The following SLC26A5 variants were observed in gnomAD, a reference collection of about 807,000 sequenced individuals.
SLC26A5 encodes the protein prestin.
Under a neutral mutation model 81.0 loss-of-function variants are expected in SLC26A5, and 51 were observed. The observed-to-expected ratio is 0.63, with a 90% confidence interval of 0.50 to 0.80. SLC26A5 has a LOEUF of 0.80. Ranked by LOEUF, SLC26A5 falls within the 30% of genes least tolerant of loss-of-function variation. SLC26A5 has a pLI of 0.00. For missense variants in SLC26A5, 771 were observed against 905.8 expected (o/e 0.85, Z 1.91); for synonymous variants, 325 against 332.8 (o/e 0.98, Z 0.25).
chr7:103,363,213 A>G, intron 19 of SLC26A5: 1 of 675,254 alleles, frequency 1.5e-6, no homozygotes. Context: ...GGCACTGGGC[A>G]ATGTATTCAA....
chr7:103,388,993 A>C lies in SLC26A5; in HGVS notation c.1514+15T>G, dbSNP rs753212657. 5.1e-6 allele frequency: 8 copies of C among 1,584,056 alleles called. No homozygotes were observed. The highest frequency in any genetic ancestry group is 6.9e-6 in the Non-Finnish European group (8 of 1,153,182). On this transcript the variant is annotated intron_variant, in intron 14 of 19. Coordinates refer to ENST00000306312, the MANE Select transcript of SLC26A5 (RefSeq NM_198999.3). ...CTGCCGGGACATTCACACCCATTCC[A>C]ATCTGGGCACTCACCTCTGTGTTCT...
chr7:103,434,411 A>G (rs953932798), intron 2 of SLC26A5, among the ~76,000 whole-genome samples: 2 of 152,088 alleles, frequency 1.3e-5, no homozygotes, highest in African/African-American at 2.4e-5. Context: ...TTTTGTAACA[A>G]TTGTATCTCT....
At chr7:103,443,842 G>A (rs983723708) in intron 1 of SLC26A5, among the ~76,000 whole-genome samples, 9 of 152,132 alleles carry the variant, frequency 5.9e-5, no homozygotes, top group Non-Finnish European at 1.0e-4. Context: ...TCGCTGACCC[G>A]TTCTGAAGTG....
At chr7:103,390,408 C>G in intron 12 of SLC26A5, 21 bp downstream of exon 12, 1 of 1,607,560 alleles carries the variant, frequency 6.2e-7, no homozygotes, top group Non-Finnish European at 8.5e-7. Flanking sequence ...AAAACTTCAC[C>G]CAAGTCCACA....
chr7:103,442,561 A>C (rs1480471764), intron 2 of SLC26A5, among the ~76,000 whole-genome samples: 6 of 152,242 alleles, frequency 3.9e-5, no homozygotes, highest in Non-Finnish European at 7.3e-5. Context: ...ATAATTAATC[A>C]GAATCTCTGT....
At chr7:103,390,895 C>G (rs1212389421) in intron 11 of SLC26A5, among the ~76,000 whole-genome samples, 1 of 146,220 alleles carries the variant, frequency 6.8e-6, no homozygotes, top group South Asian at 2.2e-4. Flanking sequence ...GAGACAGACT[C>G]TCACTCTGTC....
chr7:103,389,454 C>A, intron 12 of SLC26A5, 30 bp from the exon 13 acceptor site: 3 of 1,516,864 alleles, frequency 2.0e-6, no homozygotes, highest in South Asian at 2.2e-5. Context: ...CCATGCCTCT[C>A]CTCTTGTGTC....
intron 11 of SLC26A5, among the ~76,000 whole-genome samples, chr7:103,390,928 C>T (rs1204274602): frequency 5.3e-5 from 8 of 149,850 alleles, no homozygotes; most frequent in Non-Finnish European, 1.0e-4. Flanking sequence ...TGCAGTGGCG[C>T]GACCCTGGCT....
intron 19 of SLC26A5, chr7:103,363,452 G>A (rs1469323625): frequency 6.3e-7 from 1 of 1,592,822 alleles, no homozygotes; most frequent in South Asian, 1.1e-5. Context: ...AAGTAGCTGA[G>A]TGTTGTATTT....
At chr7:103,359,577 A>G (rs901250283) in intron 19 of SLC26A5, among the ~76,000 whole-genome samples, 26 of 152,146 alleles carry the variant, frequency 1.7e-4, no homozygotes, top group Non-Finnish European at 2.9e-4. Flanking sequence ...ATCTAAATGG[A>G]ATCATATAGT....
intron 2 of SLC26A5, among the ~76,000 whole-genome samples, chr7:103,434,587 T>C (rs1826314111): frequency 6.6e-6 from 1 of 152,292 alleles, no homozygotes; most frequent in East Asian, 1.9e-4. Context: ...GTCTCTCCTC[T>C]TTTCTAGCAT....
At chr7:103,362,470 C>A in intron 19 of SLC26A5, 1 of 1,389,966 alleles carries the variant, frequency 7.2e-7, no homozygotes, top group Non-Finnish European at 9.3e-7. Context: ...CCTCCCTCCT[C>A]AAAGGTTTGA....
intron 5 of SLC26A5, 74 bp downstream of exon 5, chr7:103,412,928 G>A: frequency 4.7e-6 from 5 of 1,056,286 alleles, no homozygotes; most frequent in South Asian, 1.3e-5. Context: ...TAATGACCAT[G>A]CTATTTCTTT....
intron 2 of SLC26A5, among the ~76,000 whole-genome samples, chr7:103,431,270 C>T (rs140958616): frequency 1.1e-3 from 168 of 152,196 alleles, no homozygotes; most frequent in African/African-American, 3.9e-3. Flanking sequence ...ACTTTTCCAT[C>T]CCATTCTCCC....
chr7:103,365,751 A>C (rs957236284), intron 19 of SLC26A5, among the ~76,000 whole-genome samples: 5 of 152,104 alleles, frequency 3.3e-5, no homozygotes, highest in Non-Finnish European at 7.3e-5. Context: ...AAGATGCTGA[A>C]ACCCCGTCTC....
downstream of SLC26A5, chr7:103,369,418 C>T (rs772326130): frequency 1.3e-5 from 2 of 152,198 alleles, no homozygotes; most frequent in East Asian, 1.9e-4. Flanking sequence ...TCCACTTTGT[C>T]ATGGCCACGT....
At chr7:103,353,264 A>G (rs1281844667) in intron 19 of SLC26A5, among the ~76,000 whole-genome samples, 1 of 152,014 alleles carries the variant, frequency 6.6e-6, no homozygotes, top group Admixed American at 6.6e-5. Flanking sequence ...ATTGCTTTCT[A>G]TGTCTATGTT....
chr7:103,354,801 T>G (rs1255589982), intron 19 of SLC26A5: 1 of 1,021,420 alleles, frequency 9.8e-7, no homozygotes, highest in African/African-American at 1.6e-5. Flanking sequence ...AAAAATAATT[T>G]TTACCTGTAG....
chr7:103,393,874 C>A (rs1822873337), intron 9 of SLC26A5, among the ~76,000 whole-genome samples: 1 of 152,116 alleles, frequency 6.6e-6, no homozygotes, highest in African/African-American at 2.4e-5. Flanking sequence ...ACAATAATAA[C>A]AATAACTTAA....
Sources: gnomAD v4.1 joint callset for allele counts (sites outside exome capture counted in the v4.1 genomes callset) on GRCh38, gnomAD v4.1.1 for gene constraint, MANE v1.5 for transcripts, NCBI Gene and HGNC (gene_info 2026-07-23, HGNC 2026-07-21) for gene names.